The following STRN4 variants were observed in gnomAD, a reference collection of about 807,000 sequenced individuals.
The protein encoded by STRN4 is striatin-4.
STRN4 carries 27 observed loss-of-function variants against 77.9 expected under a neutral mutation model. The ratio of observed to expected loss-of-function variants is 0.35; its 90% CI spans 0.26 to 0.48. The LOEUF (loss-of-function observed/expected upper bound fraction) is 0.48, where lower values mean the gene tolerates loss of function less well. Ranked by LOEUF, STRN4 falls within the 20% of genes least tolerant of loss-of-function variation. The pLI, the probability that STRN4 is intolerant of heterozygous loss-of-function variation, is 0.99. For missense variants in STRN4, 798 were observed against 1,049.7 expected (o/e 0.76, Z 3.31); for synonymous variants, 466 against 443.1 (o/e 1.05, Z -0.65).
Position 46,723,122 on chromosome 19 carries a change from G to A in STRN4, c.1757C>T (p.Thr586Ile), listed in dbSNP as rs1267376359. 4 of 1,565,742 alleles carry A rather than the reference G, an allele frequency of 2.6e-6. No individual in the cohort carries two copies. Among genetic ancestry groups the A allele is most frequent in the African/African-American group, 2.7e-5 (2 of 73,586 alleles). The stretch of plus-strand genomic sequence containing the variant: ...CCGGGGCCCCCACTCACCGCTGGCT[G>A]TGGGGAAGGTGCAGAGGCAGGCCGG... The part of the protein sequence containing the change: ...SSPACLCTFP[T>I]ASEHGVPTSV... Residue 586 changes from threonine to isoleucine, a missense_variant, in exon 13 of 18, where the codon ACA (threonine) becomes ATA (isoleucine). Around this residue, in one of 2 missense-constraint regions of STRN4, gnomAD observed 287 missense variants for 473.8 expected, o/e 0.61. Transcript: ENST00000263280. This position sits in a 1 kb window ranked among gnomAD's most constrained non-coding sequence, Gnocchi z 5.5.
chr19:46,733,053 C>T lies in STRN4; in HGVS notation c.723G>A (p.Glu241=), dbSNP rs2054287501. 1 of 1,611,422 alleles carries T rather than the reference C, an allele frequency of 6.2e-7. No individual in the cohort carries two copies. Among genetic ancestry groups the T allele is most frequent in the East Asian group, 2.2e-5 (1 of 44,798 alleles). The change falls in exon 5 of 18, where the codon GAG becomes GAA. Residue 241 remains glutamate, a synonymous_variant. Coordinates refer to ENST00000263280, the MANE Select transcript of STRN4 (RefSeq NM_013403.3). This position sits in a 1 kb window ranked among gnomAD's most constrained non-coding sequence, Gnocchi z 4.3. ...CACGGGCTCACCTCTTTATCTGCTC[C>T]TCGATCTGTTTCACCAGCAGCGACT... ...GGESLLVKQI[E]EQIKRNAAGK...
In STRN4 at chr19:46,725,336, G is replaced by A; in HGVS notation, c.1468C>T (p.His490Tyr). 6.2e-7 allele frequency: 1 copy of A among 1,614,166 alleles called. No individual in the cohort carries two copies. Among genetic ancestry groups the A allele is most frequent in the Non-Finnish European group, 8.5e-7 (1 of 1,180,026 alleles). ...DVEPIHAFRA[H>Y]RGPVLAVAMG... ...GGCTCAGGGGCACCTCCCTACCTGT[G>A]AGCCCGGAAAGCATGTATAGGTTCC... The change falls in exon 11 of 18, where the codon CAC becomes TAC. Residue 490 changes from histidine (H) to tyrosine (Y), a missense_variant. Coordinates refer to ENST00000263280, the MANE Select transcript of STRN4 (RefSeq NM_013403.3).
chr19:46,724,063 C>T (rs530896728), intron 12 of STRN4, among the ~76,000 whole-genome samples: 27 of 152,096 alleles, frequency 1.8e-4, no homozygotes, highest in Non-Finnish European at 3.1e-4. Context: ...GCCTGGTCAA[C>T]GTGGTGCAAC....
chr19:46,732,955 C>T (rs556653574), intron 5 of STRN4, 84 bp downstream of exon 5: 59 of 1,488,912 alleles, frequency 4.0e-5, no homozygotes, highest in South Asian at 2.3e-4. Flanking sequence ...GGGCACCCAG[C>T]GCCATCAGCT....
At chr19:46,729,814 A>G (rs1221142524) in intron 6 of STRN4, among the ~76,000 whole-genome samples, 1 of 152,168 alleles carries the variant, frequency 6.6e-6, no homozygotes, top group Non-Finnish European at 1.5e-5. Flanking sequence ...TAAATCCTCA[A>G]CAACTCAGAC....
rs565423541 is a variant in STRN4 at position 46,736,908 on chromosome 19, G to A, written c.461-7C>T. 47 of 1,610,888 alleles carry A rather than the reference G, an allele frequency of 2.9e-5. No homozygotes were observed. The highest frequency in any genetic ancestry group is 1.1e-5 in the South Asian group (1 of 90,654). Reference sequence around the variant, plus strand: ...TCCACGGGGCCATTGGAGACTGGCGGGTGAGAGAACGGAGGCTGTCTTAAG... The same window carrying A: ...TCCACGGGGCCATTGGAGACTGGCGAGTGAGAGAACGGAGGCTGTCTTAAG... On this transcript the variant is annotated splice_region_variant and splice_polypyrimidine_tract_variant and intron_variant, in intron 3 of 17. Coordinates refer to ENST00000263280, the MANE Select transcript of STRN4 (RefSeq NM_013403.3).
intron 1 of STRN4, among the ~76,000 whole-genome samples, chr19:46,739,746 T>G (rs2054439891): frequency 6.6e-6 from 1 of 152,232 alleles, no homozygotes; most frequent in Non-Finnish European, 1.5e-5. Context: ...CTACATGATC[T>G]TACGCAGGTC....
Position 46,725,640 on chromosome 19 carries a change from G to A in STRN4, c.1257C>T (p.Asp419=). The A allele has an allele frequency of 6.2e-7, 1 of 1,613,798 alleles. No individual in the cohort carries two copies. The highest frequency in any genetic ancestry group is 2.2e-5 in the East Asian group (1 of 44,868). The change falls in exon 10 of 18, where the codon GAC becomes GAT. Residue 419 remains aspartate (D), a synonymous_variant. Transcript: ENST00000263280. ...NDNDLSCDLS[D]SKDAFKKTWN... ...ACGTCTTCTTAAAAGCATCTTTGCTGTCAGACAGCTGGGGTTGGGGGGAGC... is the reference window on the plus strand; with the variant it reads ...ACGTCTTCTTAAAAGCATCTTTGCTATCAGACAGCTGGGGTTGGGGGGAGC...
Position 46,722,062 on chromosome 19 carries a change from C to T in STRN4, c.2016G>A (p.Val672=). Residue 672 remains valine (V), a synonymous_variant, in exon 16 of 18, where the codon GTG becomes GTA. Coordinates refer to ENST00000263280, the MANE Select transcript of STRN4 (RefSeq NM_013403.3). ...RFLDNRTGKP[V]HSMVAHLDAV... ...CGTCCAGGTGTGCAACCATGGAGTG[C>T]ACCGGCTTACCTGAGGCGAGAAGGG... is the stretch of plus-strand genomic sequence containing the variant. 3 of 1,612,964 alleles carry T rather than the reference C, an allele frequency of 1.9e-6. No individual in the cohort carries two copies. The highest frequency in any genetic ancestry group is 1.1e-5 in the South Asian group (1 of 91,086).
At chr19:46,730,702 G>A in intron 6 of STRN4, 30 bp downstream of exon 6, 1 of 1,608,734 alleles carries the variant, frequency 6.2e-7, no homozygotes, top group African/African-American at 1.3e-5. Flanking sequence ...ACCCAGGCCA[G>A]GCTGTGCAGG....
At position 46,722,399 on chromosome 19, in the gene STRN4, C is replaced by G. The variant is rs2053999686; in HGVS notation, c.1907-59G>C. ...AAGCAGAAAATCAGGAAGACCAGAA[C>G]AGAGGCACAAGCGCAGCGTGACAGC... On this transcript the variant is annotated intron_variant, in intron 14 of 17. Coordinates refer to ENST00000263280, the MANE Select transcript of STRN4 (RefSeq NM_013403.3). The G allele has an allele frequency of 4.5e-6, 7 of 1,552,590 alleles. No individual in the cohort carries two copies. In the Admixed American group the frequency reaches 5.0e-5, roughly 11 times the overall value.
intron 6 of STRN4, among the ~76,000 whole-genome samples, chr19:46,729,783 T>G (rs1324705834): frequency 2.6e-5 from 4 of 152,238 alleles, no homozygotes; most frequent in African/African-American, 9.6e-5. Context: ...GAGGGCTTCC[T>G]GGGCACCAGC....
At position 46,733,396 on chromosome 19, in the gene STRN4, C is replaced by T. The variant is rs528420431; in HGVS notation, c.540-160G>A. The T allele has an allele frequency of 1.2e-4, 80 of 665,780 alleles. No homozygotes were observed. The highest frequency in any genetic ancestry group is 7.7e-5 in the Admixed American group (3 of 39,090). The allele number at this position is 665,780 out of a possible 1,614,324, so 41.2% of individuals were successfully genotyped here. On this transcript the variant is annotated intron_variant, in intron 4 of 17. Transcript: ENST00000263280. The surrounding 1 kb of genome is among the most constrained non-coding windows in gnomAD (Gnocchi z 4.3). ...TCGCTCCAGCAGTTCCCCGTCAAGG[C>T]TATTTCCAGTGGAAGCCCTTGTACA... is the stretch of plus-strand genomic sequence containing the variant.
At chr19:46,728,151 A>G (rs1260936727) in intron 7 of STRN4, 144 bp from the exon 8 acceptor site, 3 of 805,928 alleles carry the variant, frequency 3.7e-6, no homozygotes, top group Non-Finnish European at 6.3e-6. Flanking sequence ...GAATGGGCAG[A>G]GGAGAGGAGG....
intron 1 of STRN4, 24 bp downstream of exon 1, chr19:46,746,125 C>T (rs776859717): frequency 4.9e-6 from 7 of 1,426,310 alleles, no homozygotes; most frequent in Middle Eastern, 1.9e-4. Context: ...GGTTGGGGGT[C>T]GGGGGTCCCG....
intron 3 of STRN4, among the ~76,000 whole-genome samples, chr19:46,737,561 T>C (rs796377031): frequency 1.8e-5 from 2 of 111,994 alleles, no homozygotes; most frequent in African/African-American, 6.9e-5. Context: ...TCCTCTGCCC[T>C]ACACTGTTTG....
intron 3 of STRN4, among the ~76,000 whole-genome samples, chr19:46,737,459 G>A (rs975043545): frequency 2.6e-5 from 4 of 152,192 alleles, no homozygotes; most frequent in Non-Finnish European, 5.9e-5. Context: ...GGAGCTGGCA[G>A]CAGGTAATGA....
intron 4 of STRN4, among the ~76,000 whole-genome samples, chr19:46,734,151 G>A (rs533952713): frequency 6.6e-6 from 1 of 152,292 alleles, no homozygotes; most frequent in South Asian, 2.1e-4. Flanking sequence ...CTTTAAAGCT[G>A]GGCACTGGGG....
chr19:46,725,032 G>C, intron 11 of STRN4, 104 bp from the exon 12 acceptor site: 1 of 1,524,502 alleles, frequency 6.6e-7, no homozygotes. Context: ...ATGGCCAAAA[G>C]GAATTCAGTG....
Sources: allele counts gnomAD v4.1 joint callset (sites outside exome capture counted in the v4.1 genomes callset), GRCh38; gene constraint gnomAD v4.1.1; regional missense constraint gnomAD v4.1.1; non-coding constraint Gnocchi (gnomAD v3.1); transcripts MANE v1.5; gene names NCBI Gene and HGNC (gene_info 2026-07-23, HGNC 2026-07-21).